ATP2B1: variants seen among roughly 807,000 people sequenced by gnomAD.
The protein encoded by ATP2B1 is ATPase plasma membrane Ca2+ transporting 1, also known as plasma membrane calcium-transporting ATPase 1.
Under a neutral mutation model 124.2 loss-of-function variants are expected in ATP2B1, and 14 were observed. The ratio of observed to expected loss-of-function variants is 0.11; its 90% confidence interval spans 0.07 to 0.18. The LOEUF (loss-of-function observed/expected upper bound fraction) is 0.18. Among genes scored for constraint, ATP2B1 ranks in the 10% least tolerant of loss-of-function variants. The pLI is 1.00. For synonymous variants in ATP2B1, 449 were observed against 492.4 expected (o/e 0.91, Z 1.17); for missense variants, 763 against 1,466.1 (o/e 0.52, Z 7.83).
chr12:89,683,808 A>G (rs925512432), intron 1 of ATP2B1, among the ~76,000 whole-genome samples: 8 of 152,192 alleles, frequency 5.3e-5, no homozygotes, highest in Non-Finnish European at 8.8e-5. Context: ...ATAAAACTAT[A>G]TATTAATTTA....
In ATP2B1 at chr12:89,656,016, T is replaced by G. The variant is rs1210927346; in HGVS notation, c.-130A>C. 13 of 932,352 alleles carry G rather than the reference T, an allele frequency of 1.4e-5. No individual in the cohort carries two copies. Among genetic ancestry groups the G allele is most frequent in the Non-Finnish European group, 2.0e-5 (13 of 645,774 alleles). The allele number at this position is 932,352 out of a possible 1,614,324, so 57.8% of individuals were successfully genotyped here. ...ACCAAACACTCATTGTATGACTTTG[T>G]AAAGCAGCATCAGCAGCAACATTTC... On this transcript the variant is annotated 5_prime_UTR_variant, in exon 2 of 21. Coordinates refer to ENST00000428670, the MANE Select transcript of ATP2B1 (RefSeq NM_001366521.1).
intron 15 of ATP2B1, among the ~76,000 whole-genome samples, chr12:89,605,085 G>A (rs990154677): frequency 6.6e-6 from 1 of 152,088 alleles, no homozygotes; most frequent in African/African-American, 2.4e-5. Context: ...ACATAATGCT[G>A]AATAAAGAAG....
chr12:89,707,768 C>T (rs1158806504), intron 1 of ATP2B1, among the ~76,000 whole-genome samples: 1 of 152,146 alleles, frequency 6.6e-6, no homozygotes, highest in African/African-American at 2.4e-5. Context: ...AGAGACCAAC[C>T]TGGCTGGTGA....
At chr12:89,641,931 G>T in intron 3 of ATP2B1, 1 of 518,408 alleles carries the variant, frequency 1.9e-6, no homozygotes. Flanking sequence ...AAGCATATAT[G>T]GATAGGTTAT....
At chr12:89,627,511 G>A (rs1881085651) in intron 7 of ATP2B1, among the ~76,000 whole-genome samples, 167 bp downstream of exon 7, 1 of 151,904 alleles carries the variant, frequency 6.6e-6, no homozygotes, top group Non-Finnish European at 1.5e-5. Flanking sequence ...TAACATTGCA[G>A]TGACGACATG....
At chr12:89,697,403 T>A (rs1891273641) in intron 1 of ATP2B1, among the ~76,000 whole-genome samples, 1 of 152,130 alleles carries the variant, frequency 6.6e-6, no homozygotes, top group Non-Finnish European at 1.5e-5. Context: ...GACTCTTGAG[T>A]TATCCATAGA....
chr12:89,657,727 T>A (rs915315371), intron 1 of ATP2B1, among the ~76,000 whole-genome samples: 2 of 152,202 alleles, frequency 1.3e-5, no homozygotes, highest in African/African-American at 2.4e-5. Context: ...ATAATCTGCA[T>A]TTCTAATAAT....
intron 9 of ATP2B1, 77 bp from the exon 10 acceptor site, chr12:89,621,868 AT>A: frequency 7.5e-7 from 1 of 1,326,288 alleles, no homozygotes; most frequent in Non-Finnish European, 9.9e-7. Context: ...ATGATTATAA[AT>A]TGTTTTAAAA....
At chr12:89,621,417 T>C (rs1324333293) in intron 10 of ATP2B1, 132 bp downstream of exon 10, 1 of 650,034 alleles carries the variant, frequency 1.5e-6, no homozygotes, top group Non-Finnish European at 2.3e-6. Context: ...AACCATTATA[T>C]AAATAAATAT....
intron 7 of ATP2B1, 78 bp from the exon 8 acceptor site, chr12:89,626,693 A>G (rs757222062): frequency 3.4e-6 from 5 of 1,468,978 alleles, no homozygotes; most frequent in Non-Finnish European, 3.6e-6. Context: ...AAATTTTAAA[A>G]ATCAGTTTCT....
At chr12:89,697,845 G>A (rs545480180) in intron 1 of ATP2B1, among the ~76,000 whole-genome samples, 20 of 150,876 alleles carry the variant, frequency 1.3e-4, no homozygotes, top group South Asian at 8.4e-4. Context: ...CAAAGCTACC[G>A]CTTGCTTTTT....
chr12:89,619,044 C>T (rs898069324), intron 11 of ATP2B1, among the ~76,000 whole-genome samples: 1 of 151,772 alleles, frequency 6.6e-6, no homozygotes, highest in African/African-American at 2.4e-5. Flanking sequence ...AATTTCACCA[C>T]CTTTAATAAC....
At chr12:89,634,696 C>T in intron 5 of ATP2B1, 82 bp downstream of exon 5, 1 of 1,374,858 alleles carries the variant, frequency 7.3e-7, no homozygotes, top group Non-Finnish European at 9.8e-7. Context: ...ATATTATTGA[C>T]TCTTAGGAAA....
intron 18 of ATP2B1, among the ~76,000 whole-genome samples, chr12:89,602,505 G>A (rs1241623122): frequency 6.6e-6 from 1 of 151,908 alleles, no homozygotes; most frequent in Non-Finnish European, 1.5e-5. Context: ...AAGTTAATTT[G>A]TGCACTTGTA....
At chr12:89,608,860 A>G (rs1047899269) in intron 15 of ATP2B1, among the ~76,000 whole-genome samples, 13 of 152,186 alleles carry the variant, frequency 8.5e-5, no homozygotes, top group African/African-American at 2.2e-4. Flanking sequence ...CTCTTCAGCT[A>G]TGCTTCACAT....
At chr12:89,640,219 C>T (rs1883296089) in intron 3 of ATP2B1, among the ~76,000 whole-genome samples, 1 of 152,110 alleles carries the variant, frequency 6.6e-6, no homozygotes, top group Non-Finnish European at 1.5e-5. Context: ...TTCCCCCACC[C>T]CCATTATTTT....
chr12:89,705,673 T>C (rs1279645697), intron 1 of ATP2B1, among the ~76,000 whole-genome samples: 4 of 152,148 alleles, frequency 2.6e-5, no homozygotes, highest in Non-Finnish European at 5.9e-5. Context: ...TGAAAGTATA[T>C]ATAACAACAT....
At chr12:89,596,898 C>T (rs1874726394) in intron 20 of ATP2B1, among the ~76,000 whole-genome samples, 1 of 151,980 alleles carries the variant, frequency 6.6e-6, no homozygotes, top group South Asian at 2.1e-4. Flanking sequence ...TAGTTTATTC[C>T]TCTTTTAGTA....
chr12:89,708,792 G>A lies in ATP2B1; in HGVS notation c.-418C>T, dbSNP rs1203962973. 4 of 151,900 alleles carry A rather than the reference G, an allele frequency of 2.6e-5. No individual in the cohort carries two copies. The highest frequency in any genetic ancestry group is 4.4e-5 in the Non-Finnish European group (3 of 67,952). The allele number at this position is 151,900 out of a possible 1,614,324, so 9.4% of individuals were successfully genotyped here. A position where few individuals can be genotyped will look rare whatever the true frequency, so the allele number is the denominator to read the frequency against. The stretch of plus-strand genomic sequence containing the variant: ...GGGGATGGGGCGGCCAAGGAGCCGA[G>A]AGGCTCGGCGTCCACCAGCCGGGGC... On this transcript the variant is annotated 5_prime_UTR_variant, in exon 1 of 21. Coordinates refer to ENST00000428670, the MANE Select transcript of ATP2B1 (RefSeq NM_001366521.1).
Sources: allele counts gnomAD v4.1 joint callset (sites outside exome capture counted in the v4.1 genomes callset), GRCh38; gene constraint gnomAD v4.1.1; transcripts MANE v1.5; gene names NCBI Gene and HGNC (gene_info 2026-07-23, HGNC 2026-07-21).